The following DPP6 variants were observed in gnomAD, a reference collection of about 807,000 sequenced individuals.
DPP6 encodes A-type potassium channel modulatory protein DPP6.
Under a neutral mutation model 122.6 loss-of-function variants are expected in DPP6, and 69 were observed. The ratio of observed to expected loss-of-function variants is 0.56; its 90% CI spans 0.46 to 0.69. The LOEUF (loss-of-function observed/expected upper bound fraction) is 0.69. DPP6 is among the 30% of genes least tolerant of loss of function. DPP6 has a pLI of 0.00. For missense variants in DPP6, 928 were observed against 1,116.9 expected, an observed-to-expected ratio of 0.83 and a Z score of 2.41; for synonymous variants, 418 against 433.1, an observed-to-expected ratio of 0.97 and a Z score of 0.43.
At chr7:154,426,840 T>G (rs942828911) in intron 1 of DPP6, among the ~76,000 whole-genome samples, 1 of 141,944 alleles carries the variant, frequency 7.0e-6, no homozygotes, top group African/African-American at 2.6e-5. Flanking sequence ...AACTGAGCCA[T>G]AAATATTCAA....
intron 6 of DPP6, among the ~76,000 whole-genome samples, chr7:154,668,219 A>ATATATATATATATATATAT (rs1554430259): frequency 1.3e-3 from 68 of 54,338 alleles, no homozygotes; most frequent in Middle Eastern, 0.015. Context: ...ATATATATAT[A>ATATATATATATATATATAT]ATATACACAT....
rs532857428 is a variant in DPP6 at position 154,061,768 on chromosome 7, C to T, written c.243+8705C>T. Among the ~76,000 whole-genome samples the T allele has an allele frequency of 4.3e-3, 595 of 137,426 alleles. 14 individuals carry two copies. Among genetic ancestry groups the T allele is most frequent in the Middle Eastern group, 0.012 (3 of 256 alleles). The allele number at this position is 137,426 out of a possible 152,430, so 90.2% of individuals were successfully genotyped here. A position where few individuals can be genotyped will look rare whatever the true frequency, so the allele number is the denominator to read the frequency against. ...TTTCCTCCCCTGGCTCTTTGCACCC[C>T]CATCGCAGGGAGGGAGGCACCCCTC... On this transcript the variant is annotated intron_variant, in intron 1 of 25. Coordinates refer to ENST00000377770, the MANE Select transcript of DPP6 (RefSeq NM_130797.4).
chr7:154,727,457 T>C (rs1842119702), intron 7 of DPP6, among the ~76,000 whole-genome samples: 1 of 152,224 alleles, frequency 6.6e-6, no homozygotes, highest in South Asian at 2.1e-4. Flanking sequence ...TGACATGAGA[T>C]TTGGACGGGG....
chr7:154,671,944 A>G (rs759893762), intron 7 of DPP6, among the ~76,000 whole-genome samples: 4 of 151,920 alleles, frequency 2.6e-5, no homozygotes, highest in Non-Finnish European at 4.4e-5. Context: ...CCCAGCACAC[A>G]TGATCTCTTG....
chr7:153,760,947 G>A, the DPP6 span, among the ~76,000 whole-genome samples: 2 of 152,096 alleles, frequency 1.3e-5, no homozygotes, highest in East Asian at 1.9e-4. Flanking sequence ...ACCCTTTAGC[G>A]CAAACTGTAG....
At chr7:154,675,113 C>T (rs1161028668) in intron 7 of DPP6, among the ~76,000 whole-genome samples, 1 of 152,094 alleles carries the variant, frequency 6.6e-6, no homozygotes, top group Admixed American at 6.6e-5. Context: ...TTAAATTGTG[C>T]TGTGTTTTAC....
intron 16 of DPP6, among the ~76,000 whole-genome samples, chr7:154,807,573 C>T (rs899954205): frequency 1.3e-5 from 2 of 152,172 alleles, no homozygotes; most frequent in South Asian, 2.1e-4. Flanking sequence ...GTAATCCCAG[C>T]GCTTTGGGAG....
intron 7 of DPP6, among the ~76,000 whole-genome samples, chr7:154,725,524 CA>C (rs1189485711): frequency 6.6e-6 from 1 of 152,092 alleles, no homozygotes; most frequent in Admixed American, 6.6e-5. Context: ...CATGAGAATT[CA>C]CTCACTATCA....
At position 154,889,269 on chromosome 7, in the gene DPP6, CAGA is replaced by C. The variant is rs1261894700; in HGVS notation, c.2305-2_2305del. On this transcript the variant is annotated splice_acceptor_variant and coding_sequence_variant, in exon 24 of 26. Coordinates refer to ENST00000377770, the MANE Select transcript of DPP6 (RefSeq NM_130797.4). LOFTEE classifies it high-confidence loss of function. ...CTCTGTCCCCTTGCCCCCGCATGTGCAGATGACCAAGGTAGCCCATCGAGTCTC... is the reference window on the plus strand; with the variant it reads ...CTCTGTCCCCTTGCCCCCGCATGTGCTGACCAAGGTAGCCCATCGAGTCTC... The C allele has an allele frequency of 3.1e-6, 5 of 1,612,338 alleles. No individual in the cohort carries two copies. The highest frequency in any genetic ancestry group is 4.2e-6 in the Non-Finnish European group (5 of 1,179,462).
intron 1 of DPP6, among the ~76,000 whole-genome samples, chr7:154,228,819 A>G (rs1800755933): frequency 1.3e-5 from 2 of 152,206 alleles, no homozygotes; most frequent in African/African-American, 4.8e-5. Context: ...CCATCCCTAA[A>G]GAACTGAGGG....
intron 1 of DPP6, among the ~76,000 whole-genome samples, chr7:154,234,729 A>G (rs984165847): frequency 6.6e-6 from 1 of 152,200 alleles, no homozygotes; most frequent in Admixed American, 6.5e-5. Flanking sequence ...AAATGAGCTC[A>G]TCTGGACTTG....
At chr7:154,556,701 G>A (rs1242414051) in intron 4 of DPP6, among the ~76,000 whole-genome samples, 5 of 152,012 alleles carry the variant, frequency 3.3e-5, no homozygotes. Context: ...TTTAAGAAAG[G>A]CAAAATTAGT....
rs554861319 is a variant in DPP6, at chr7:154,523,977, C to T, written c.458-16555C>T. On this transcript the variant is annotated intron_variant, in intron 3 of 25. Transcript: ENST00000377770. The stretch of plus-strand genomic sequence containing the variant: ...TGATCCTTACCTGCACCAAGTTTTA[C>T]GACAGGGGCTACAAAGCGGTGATGT... Among the ~76,000 whole-genome samples the T allele has an allele frequency of 1.1e-3, 166 of 152,308 alleles. 1 individual carries two copies. Among genetic ancestry groups the T allele is most frequent in the African/African-American group, 3.6e-3 (148 of 41,570 alleles).
chr7:154,126,510 C>T (rs540011388), intron 1 of DPP6, among the ~76,000 whole-genome samples: 305 of 151,576 alleles, frequency 2.0e-3, no homozygotes, highest in African/African-American at 7.1e-3. Flanking sequence ...CAAGGAGAGA[C>T]CAGGAGCCTG....
intron 1 of DPP6, among the ~76,000 whole-genome samples, chr7:154,000,687 G>A (rs1453474132): frequency 6.6e-6 from 1 of 152,036 alleles, no homozygotes; most frequent in Admixed American, 6.6e-5. Flanking sequence ...AATAAAAGAA[G>A]GAATACTGAC....
At chr7:154,781,217 AATAG>A (rs1246964753) in intron 10 of DPP6, among the ~76,000 whole-genome samples, 1 of 152,182 alleles carries the variant, frequency 6.6e-6, no homozygotes, top group South Asian at 2.1e-4. Context: ...CTGATGGACA[AATAG>A]ATAGATGGGT....
chr7:154,797,056 A>G (rs1189223840), intron 12 of DPP6, among the ~76,000 whole-genome samples: 1 of 152,234 alleles, frequency 6.6e-6, no homozygotes, highest in African/African-American at 2.4e-5. Flanking sequence ...GACCAAACAT[A>G]TAAGCATATA....
At chr7:154,645,754 C>A (rs966815976) in intron 6 of DPP6, among the ~76,000 whole-genome samples, 1 of 152,036 alleles carries the variant, frequency 6.6e-6, no homozygotes, top group Non-Finnish European at 1.5e-5. Context: ...GGTTGCCAGG[C>A]GCGGTGGTTC....
chr7:153,762,990 G>T, the DPP6 span, among the ~76,000 whole-genome samples: 3 of 152,086 alleles, frequency 2.0e-5, no homozygotes, highest in African/African-American at 4.8e-5. Context: ...TTTGAAGGAC[G>T]CTGTATAAGA....
Sources: allele counts gnomAD v4.1 joint callset (sites outside exome capture counted in the v4.1 genomes callset), GRCh38; gene constraint gnomAD v4.1.1; transcripts MANE v1.5; gene names NCBI Gene and HGNC (gene_info 2026-07-23, HGNC 2026-07-21).